The following IQCJ variants were observed in gnomAD, a reference collection of about 807,000 sequenced individuals.
IQCJ encodes the protein IQ domain-containing protein J.
In IQCJ, 9 loss-of-function variants were observed where a neutral mutation model predicts 11.0. The observed-to-expected ratio is 0.82, with a 90% CI of 0.49 to 1.43. The LOEUF is 1.43. Ranked by LOEUF, IQCJ falls within the 40% of genes most tolerant of loss-of-function variation. The probability of loss-of-function intolerance (pLI) is 0.00; values close to 1 mark genes in which losing one functional copy is unlikely to be tolerated. For missense variants in IQCJ, 146 were observed against 133.2 expected, an observed-to-expected ratio of 1.10 and a Z score of -0.47; for synonymous variants, 55 against 51.3, an observed-to-expected ratio of 1.07 and a Z score of -0.31.
rs1301805812 is a variant in IQCJ at position 159,136,720 on chromosome 3, C to T, written c.9+67279C>T. Among the ~76,000 whole-genome samples, 4 of 152,144 alleles carry T rather than the reference C, an allele frequency of 2.6e-5. No homozygotes were observed. In the East Asian group the frequency reaches 5.8e-4, roughly 22 times the overall value. ...TAAAATTATTGAACAAGGGCTTTGC[C>T]CTCATGACCTGGTAATCTCCTGAAG... On this transcript the variant is annotated intron_variant, in intron 1 of 3. Coordinates refer to ENST00000397832, the MANE Select transcript of IQCJ (RefSeq NM_001042706.3).
intron 3 of IQCJ, among the ~76,000 whole-genome samples, chr3:159,261,248 C>T (rs1174930789): frequency 4.6e-5 from 7 of 152,138 alleles, no homozygotes; most frequent in Non-Finnish European, 8.8e-5. Context: ...AGAATTAATA[C>T]AGCTATCTTA....
intron 1 of IQCJ, among the ~76,000 whole-genome samples, chr3:159,157,971 T>C (rs1208845996): frequency 6.6e-6 from 1 of 152,184 alleles, no homozygotes; most frequent in East Asian, 1.9e-4. Context: ...TTGGGCTGTT[T>C]CCAATCCTTT....
At chr3:159,257,886 TG>T (rs1468481294) in intron 3 of IQCJ, among the ~76,000 whole-genome samples, 1 of 152,102 alleles carries the variant, frequency 6.6e-6, no homozygotes, top group Non-Finnish European at 1.5e-5. Flanking sequence ...ACAAACGTAA[TG>T]GGGAGGCAGG....
intron 1 of IQCJ, among the ~76,000 whole-genome samples, chr3:159,128,575 G>A (rs149726086): frequency 6.6e-6 from 1 of 152,056 alleles, no homozygotes; most frequent in Non-Finnish European, 1.5e-5. Flanking sequence ...GTGCTGATAC[G>A]CATGCCCCTC....
chr3:159,252,692 A>T (rs1424084178), intron 2 of IQCJ, 35 bp from the exon 3 acceptor site: 4 of 1,588,844 alleles, frequency 2.5e-6, no homozygotes, highest in Non-Finnish European at 3.4e-6. Context: ...AACCTTCTGG[A>T]TTGGGAGATA....
intron 1 of IQCJ, among the ~76,000 whole-genome samples, chr3:159,224,182 C>T (rs761724009): frequency 2.6e-5 from 4 of 151,952 alleles, no homozygotes; most frequent in Admixed American, 6.6e-5. Context: ...GCTGAGGCTG[C>T]GAGGGTTGTG....
chr3:159,156,507 G>A (rs1721530404), intron 1 of IQCJ, among the ~76,000 whole-genome samples: 1 of 152,182 alleles, frequency 6.6e-6, no homozygotes, highest in Admixed American at 6.5e-5. Context: ...GTAGTGGAGT[G>A]TTCCTGTAGA....
At chr3:159,204,870 C>T (rs904403740) in intron 1 of IQCJ, among the ~76,000 whole-genome samples, 1 of 152,168 alleles carries the variant, frequency 6.6e-6, no homozygotes, top group African/African-American at 2.4e-5. Flanking sequence ...CTTCAATTTG[C>T]ACTTTACTTT....
intron 1 of IQCJ, among the ~76,000 whole-genome samples, chr3:159,084,546 C>A (rs1377599802): frequency 6.6e-6 from 1 of 152,082 alleles, no homozygotes; most frequent in Non-Finnish European, 1.5e-5. Context: ...TCCTTATTCA[C>A]TCTTCACAAC....
intron 1 of IQCJ, among the ~76,000 whole-genome samples, chr3:159,163,191 C>T (rs528821415): frequency 3.3e-5 from 5 of 152,212 alleles, no homozygotes; most frequent in East Asian, 3.9e-4. Flanking sequence ...AGTGGCAAAC[C>T]GAATCCAGCA....
chr3:159,149,412 G>A (rs188836743), intron 1 of IQCJ, among the ~76,000 whole-genome samples: 54 of 152,306 alleles, frequency 3.5e-4, no homozygotes, highest in Non-Finnish European at 6.5e-4. Flanking sequence ...CTATCGTACA[G>A]TTTCACAGGC....
intron 1 of IQCJ, among the ~76,000 whole-genome samples, chr3:159,091,418 T>A (rs1717273731): frequency 6.6e-6 from 1 of 151,622 alleles, no homozygotes; most frequent in Non-Finnish European, 1.5e-5. Context: ...GTGGAAAGAG[T>A]TATAGAGAGC....
chr3:159,117,352 G>C (rs1719092504), intron 1 of IQCJ, among the ~76,000 whole-genome samples: 1 of 152,188 alleles, frequency 6.6e-6, no homozygotes, highest in Admixed American at 6.5e-5. Context: ...CATGTGTTAG[G>C]AAAGGGCTGC....
chr3:159,134,717 G>T (rs186351958), intron 1 of IQCJ, among the ~76,000 whole-genome samples: 1 of 152,112 alleles, frequency 6.6e-6, no homozygotes, highest in Non-Finnish European at 1.5e-5. Context: ...CCATACAGAA[G>T]ACCAGCCCCA....
Position 159,247,765 on chromosome 3 carries a change from A to G in IQCJ, c.74+1858A>G, listed in dbSNP as rs138100569. 4.7e-3 allele frequency among the ~76,000 whole-genome samples: 715 copies of G among 152,288 alleles called. 8 individuals are homozygous for G. The highest frequency in any genetic ancestry group is 0.016 in the African/African-American group (654 of 41,566). ...AGCTTGTTTGGGGGAGAAGGGTTCT[A>G]GTTTCTATGACCTGCCTTGTGGAAG... On this transcript the variant is annotated intron_variant, in intron 2 of 3. Coordinates refer to ENST00000397832, the MANE Select transcript of IQCJ (RefSeq NM_001042706.3).
At chr3:159,245,956 A>G in intron 2 of IQCJ, 49 bp downstream of exon 2, 6 of 1,375,524 alleles carry the variant, frequency 4.4e-6, no homozygotes, top group Admixed American at 2.3e-5. Context: ...GGAAAGCTTG[A>G]GTAAAAAGAA....
At chr3:159,172,426 T>G (rs1294654312) in intron 1 of IQCJ, among the ~76,000 whole-genome samples, 1 of 152,164 alleles carries the variant, frequency 6.6e-6, no homozygotes, top group Non-Finnish European at 1.5e-5. Context: ...TGGAATTTTT[T>G]TTTTCCTTCC....
intron 1 of IQCJ, among the ~76,000 whole-genome samples, chr3:159,084,356 T>A (rs540772069): frequency 6.6e-6 from 1 of 152,088 alleles, no homozygotes; most frequent in Non-Finnish European, 1.5e-5. Context: ...CTTAGGACAG[T>A]TTTAGAGTGG....
chr3:159,083,304 T>A (rs774570711), intron 1 of IQCJ, among the ~76,000 whole-genome samples: 4 of 152,106 alleles, frequency 2.6e-5, no homozygotes, highest in African/African-American at 4.8e-5. Context: ...ACAAAATACA[T>A]ATACATACAT....
Sources: allele counts gnomAD v4.1 joint callset (sites outside exome capture counted in the v4.1 genomes callset), GRCh38; gene constraint gnomAD v4.1.1; transcripts MANE v1.5; gene names NCBI Gene and HGNC (gene_info 2026-07-23, HGNC 2026-07-21).